The following ARHGAP28 variants were observed in gnomAD, a reference collection of about 807,000 sequenced individuals.
ARHGAP28 encodes the protein rho GTPase-activating protein 28.
Under a neutral mutation model 90.7 loss-of-function variants are expected in ARHGAP28, and 56 were observed. That is an observed-to-expected ratio of 0.62 (90% CI 0.50 to 0.77). ARHGAP28 has a LOEUF of 0.77. Ranked by LOEUF, ARHGAP28 falls within the 30% of genes least tolerant of loss-of-function variation. The pLI is 0.00. For missense variants in ARHGAP28, 869 were observed against 900.9 expected (o/e 0.96, Z 0.45); for synonymous variants, 308 against 323.3 (o/e 0.95, Z 0.51).
chr18:6,905,427 A>G (rs1349450166), intron 16 of ARHGAP28, among the ~76,000 whole-genome samples: 2 of 152,180 alleles, frequency 1.3e-5, no homozygotes, highest in Admixed American at 1.3e-4. Flanking sequence ...AAGATTATCT[A>G]CAAAACCTAC....
At chr18:6,810,910 G>A (rs2056551429) in intron 1 of ARHGAP28, among the ~76,000 whole-genome samples, 1 of 152,108 alleles carries the variant, frequency 6.6e-6, no homozygotes, top group Non-Finnish European at 1.5e-5. Context: ...AGTGGCACTA[G>A]CATTACATAG....
intron 5 of ARHGAP28, 46 bp from the exon 6 acceptor site, chr18:6,868,104 G>T (rs1019022398): frequency 6.8e-7 from 1 of 1,478,698 alleles, no homozygotes; most frequent in East Asian, 2.3e-5. Context: ...GAGGTGGACT[G>T]TATTTATGGT....
chr18:6,849,070 C>T (rs962373492), intron 3 of ARHGAP28, among the ~76,000 whole-genome samples: 7 of 149,302 alleles, frequency 4.7e-5, no homozygotes, highest in East Asian at 2.0e-4. Context: ...GGTGAAAAAG[C>T]GAGAACCTGT....
intron 3 of ARHGAP28, among the ~76,000 whole-genome samples, chr18:6,838,158 T>C (rs2056768884): frequency 6.6e-6 from 1 of 152,230 alleles, no homozygotes; most frequent in Non-Finnish European, 1.5e-5. Context: ...CGCAAGATCC[T>C]AGGTTAGGTT....
chr18:6,830,376 G>A (rs1261237885), intron 2 of ARHGAP28, among the ~76,000 whole-genome samples: 6 of 151,592 alleles, frequency 4.0e-5, no homozygotes, highest in South Asian at 2.1e-4. Context: ...CGTGCAGAAC[G>A]TGCAATTTTG....
At chr18:6,826,826 A>ACCCTGCGGCC (rs2056667818) in intron 2 of ARHGAP28, among the ~76,000 whole-genome samples, 1 of 151,286 alleles carries the variant, frequency 6.6e-6, no homozygotes, top group Admixed American at 6.6e-5. Context: ...TAGGCAGAGG[A>ACCCTGCGGCC]CCCTGCGGCC....
intron 1 of ARHGAP28, among the ~76,000 whole-genome samples, chr18:6,803,784 T>C (rs1382263515): frequency 6.6e-6 from 1 of 151,958 alleles, no homozygotes; most frequent in Non-Finnish European, 1.5e-5. Flanking sequence ...TATTTTTATT[T>C]ATTTATTTTT....
At chr18:6,841,208 C>CCTCTCTCT (rs369622522) in intron 3 of ARHGAP28, among the ~76,000 whole-genome samples, 5 of 43,136 alleles carry the variant, frequency 1.2e-4, no homozygotes, top group Non-Finnish European at 1.8e-4. Context: ...TCTCTCCTCT[C>CCTCTCTCT]CTCTCTCTCT....
chr18:6,763,787 T>C (rs1310461088), intron 1 of ARHGAP28, among the ~76,000 whole-genome samples: 1 of 152,178 alleles, frequency 6.6e-6, no homozygotes, highest in East Asian at 1.9e-4. Context: ...AGAACAGCAA[T>C]GCTCTTTAGG....
intron 1 of ARHGAP28, among the ~76,000 whole-genome samples, chr18:6,814,180 T>A (rs1020883554): frequency 2.6e-5 from 4 of 152,144 alleles, no homozygotes; most frequent in Non-Finnish European, 4.4e-5. Context: ...TTTAATAAGT[T>A]TGTACTTGTG....
intron 14 of ARHGAP28, among the ~76,000 whole-genome samples, chr18:6,892,971 T>G (rs925379535): frequency 6.6e-6 from 1 of 152,258 alleles, no homozygotes; most frequent in Non-Finnish European, 1.5e-5. Flanking sequence ...CTCAATCATA[T>G]GGCCTTTATA....
chr18:6,808,767 T>A (rs963701039), intron 1 of ARHGAP28, among the ~76,000 whole-genome samples: 4 of 152,204 alleles, frequency 2.6e-5, no homozygotes, highest in African/African-American at 9.6e-5. Flanking sequence ...ATATATATAT[T>A]TTTAGTATAC....
At chr18:6,863,940 A>G (rs1182835491) in intron 5 of ARHGAP28, among the ~76,000 whole-genome samples, 2 of 150,544 alleles carry the variant, frequency 1.3e-5, no homozygotes, top group African/African-American at 4.9e-5. Flanking sequence ...CCGCCACCAC[A>G]CCCAGCTAAT....
chr18:6,733,445 A>G (rs2055900353), intron 1 of ARHGAP28, among the ~76,000 whole-genome samples: 2 of 151,970 alleles, frequency 1.3e-5, no homozygotes, highest in Admixed American at 6.6e-5. Flanking sequence ...CTTTTTTTAT[A>G]TATAATTTCT....
intron 17 of ARHGAP28, among the ~76,000 whole-genome samples, chr18:6,909,685 G>T (rs2057385787): frequency 6.6e-6 from 1 of 152,142 alleles, no homozygotes; most frequent in Admixed American, 6.5e-5. Context: ...TCAGAAGCAT[G>T]ACACCATTTT....
rs185695711 is a variant in ARHGAP28, at chr18:6,759,841, C to A, written c.122+29898C>A. On this transcript the variant is annotated intron_variant, in intron 1 of 17. Transcript: ENST00000383472. ...CTCCGCTTCCCACTGTGTTTAAAAA[C>A]TGTGGTCACAGGTGGTTGATTCCTT... 8.6e-3 allele frequency among the ~76,000 whole-genome samples: 1,302 copies of A among 152,262 alleles called. 17 individuals are homozygous for A. The highest frequency in any genetic ancestry group is 0.01 in the Non-Finnish European group (697 of 68,024).
At chr18:6,893,568 G>T (rs1041628343) in intron 14 of ARHGAP28, among the ~76,000 whole-genome samples, 1 of 152,116 alleles carries the variant, frequency 6.6e-6, no homozygotes, top group Non-Finnish European at 1.5e-5. Flanking sequence ...GGCCTTGTCA[G>T]TTACTACCCA....
chr18:6,735,790 A>C (rs552450012), intron 1 of ARHGAP28, among the ~76,000 whole-genome samples: 2 of 152,226 alleles, frequency 1.3e-5, no homozygotes, highest in East Asian at 3.9e-4. Flanking sequence ...TCTGGGCTCA[A>C]GTGATCTGCC....
intron 4 of ARHGAP28, among the ~76,000 whole-genome samples, chr18:6,859,054 A>T (rs1440717586): frequency 6.6e-6 from 1 of 151,192 alleles, no homozygotes; most frequent in Non-Finnish European, 1.5e-5. Context: ...TGCAACAAAA[A>T]TCTCTTAGTT....
Sources: gnomAD v4.1 joint callset for allele counts (sites outside exome capture counted in the v4.1 genomes callset) on GRCh38, gnomAD v4.1.1 for gene constraint, MANE v1.5 for transcripts, NCBI Gene and HGNC (gene_info 2026-07-23, HGNC 2026-07-21) for gene names.